Variants in ADGRV1 observed in about 807,000 individuals in gnomAD.
ADGRV1 encodes the protein G-protein coupled receptor 98.
In ADGRV1, 359 loss-of-function variants were observed where a neutral mutation model predicts 596.2. The ratio of observed to expected loss-of-function variants is 0.60; its 90% CI spans 0.55 to 0.66. The LOEUF is 0.66. Ranked by LOEUF, ADGRV1 falls within the 30% of genes least tolerant of loss-of-function variation. ADGRV1 has a pLI of 0.00. For missense variants in ADGRV1, 7,274 were observed against 7,575.6 expected (o/e 0.96, Z 1.48); for synonymous variants, 2,681 against 2,679.2 (o/e 1.00, Z -0.02).
intron 83 of ADGRV1, among the ~76,000 whole-genome samples, chr5:90,906,613 T>A (rs976847627): frequency 6.6e-6 from 1 of 152,092 alleles, no homozygotes; most frequent in Admixed American, 6.6e-5. Context: ...TATATTTGGA[T>A]CTTCTCTCTT....
intron 87 of ADGRV1, among the ~76,000 whole-genome samples, chr5:91,123,405 C>G (rs187856280): frequency 2.6e-5 from 4 of 152,176 alleles, no homozygotes; most frequent in African/African-American, 9.6e-5. Flanking sequence ...GCCTGTTTCT[C>G]GTAGATGGTG....
At chr5:90,649,736 G>T (rs1768318799) in intron 17 of ADGRV1, among the ~76,000 whole-genome samples, 2 of 152,196 alleles carry the variant, frequency 1.3e-5, no homozygotes, top group African/African-American at 2.4e-5. Flanking sequence ...CAATTCGCCC[G>T]CCTGGGCCCC....
intron 85 of ADGRV1, among the ~76,000 whole-genome samples, chr5:91,019,727 G>A (rs935115705): frequency 2.6e-5 from 4 of 151,912 alleles, no homozygotes; most frequent in Non-Finnish European, 5.9e-5. Context: ...CAAACTGGTT[G>A]TTAGTGAAAA....
intron 53 of ADGRV1, among the ~76,000 whole-genome samples, chr5:90,751,371 T>C (rs1755232683): frequency 6.6e-6 from 1 of 152,154 alleles, no homozygotes; most frequent in African/African-American, 2.4e-5. Flanking sequence ...GGGTTGGGTA[T>C]AACCTTGAGT....
chr5:90,780,376 CTT>C (rs1198821923), intron 64 of ADGRV1, among the ~76,000 whole-genome samples: 1 of 151,986 alleles, frequency 6.6e-6, no homozygotes, highest in East Asian at 1.9e-4. Flanking sequence ...CTAATTTTGC[CTT>C]TTATATAATT....
At chr5:90,756,360 T>G in intron 55 of ADGRV1, 94 bp from the exon 56 acceptor site, 2 of 822,938 alleles carry the variant, frequency 2.4e-6, no homozygotes, top group Non-Finnish European at 1.9e-6. Context: ...GTGAACAAAG[T>G]CAATTATTTC....
At chr5:90,930,763 TG>T (rs1561960435) in intron 83 of ADGRV1, among the ~76,000 whole-genome samples, 1 of 152,154 alleles carries the variant, frequency 6.6e-6, no homozygotes, top group Non-Finnish European at 1.5e-5. Flanking sequence ...GAGGAAATAT[TG>T]TGGTTTCATG....
At chr5:91,029,723 T>C (rs1170430161) in intron 85 of ADGRV1, among the ~76,000 whole-genome samples, 2 of 152,162 alleles carry the variant, frequency 1.3e-5, no homozygotes. Context: ...ATTTCATGAA[T>C]ATAATCATTT....
chr5:90,694,749 A>G lies in ADGRV1; in HGVS notation c.7945+48A>G, dbSNP rs375091797. ...TTTCCGTTGCCCCAGTAAAGTCATCATAGTCCATTTTTATGATAAAATTTA... is the reference window on the plus strand; with the variant it reads ...TTTCCGTTGCCCCAGTAAAGTCATCGTAGTCCATTTTTATGATAAAATTTA... On this transcript the variant is annotated intron_variant, in intron 33 of 89. Coordinates refer to ENST00000405460, the MANE Select transcript of ADGRV1 (RefSeq NM_032119.4). The G allele has an allele frequency of 3.9e-5, 56 of 1,429,118 alleles. No homozygotes were observed. In the African/African-American group the frequency reaches 6.6e-4, roughly 17 times the overall value. The allele number at this position is 1,429,118 out of a possible 1,614,324, so 88.5% of individuals were successfully genotyped here.
chr5:90,669,688 G>A (rs1561494413), intron 21 of ADGRV1, among the ~76,000 whole-genome samples: 1 of 152,188 alleles, frequency 6.6e-6, no homozygotes, highest in Admixed American at 6.5e-5. Flanking sequence ...GTTAAGTGTG[G>A]CTAGTAACAC....
At chr5:91,098,165 G>A (rs1199652871) in intron 86 of ADGRV1, among the ~76,000 whole-genome samples, 1 of 152,240 alleles carries the variant, frequency 6.6e-6, no homozygotes, top group Non-Finnish European at 1.5e-5. Context: ...CATCAAATGC[G>A]AAATAACAGC....
At chr5:90,834,644 T>G (rs925231543) in intron 77 of ADGRV1, among the ~76,000 whole-genome samples, 1 of 152,114 alleles carries the variant, frequency 6.6e-6, no homozygotes, top group African/African-American at 2.4e-5. Flanking sequence ...TTAAATCTGC[T>G]TGGTATTCTG....
chr5:90,918,083 G>A (rs2150725502), intron 83 of ADGRV1, among the ~76,000 whole-genome samples: 2 of 152,116 alleles, frequency 1.3e-5, no homozygotes, highest in East Asian at 3.9e-4. Flanking sequence ...TTTGACTGAG[G>A]CATATTAGAT....
intron 75 of ADGRV1, 31 bp from the exon 76 acceptor site, chr5:90,823,394 G>C (rs200491105): frequency 1.2e-6 from 2 of 1,608,928 alleles, no homozygotes; most frequent in South Asian, 2.2e-5. Context: ...GACACCCTCT[G>C]TTAAGGCATT....
At chr5:90,942,405 G>A (rs1776235680) in intron 83 of ADGRV1, among the ~76,000 whole-genome samples, 1 of 152,210 alleles carries the variant, frequency 6.6e-6, no homozygotes, top group African/African-American at 2.4e-5. Context: ...TTGGCTGAAA[G>A]GAGAGAGGAG....
At chr5:91,074,472 C>G (rs545191662) in intron 86 of ADGRV1, among the ~76,000 whole-genome samples, 5 of 152,162 alleles carry the variant, frequency 3.3e-5, no homozygotes, top group Non-Finnish European at 7.4e-5. Context: ...TAACAGCCTC[C>G]AGCTCCATCT....
intron 70 of ADGRV1, among the ~76,000 whole-genome samples, chr5:90,794,563 T>C (rs1760456283): frequency 6.6e-6 from 1 of 152,166 alleles, no homozygotes; most frequent in South Asian, 2.1e-4. Context: ...CCCTGTCTAG[T>C]GTATGAACAG....
chr5:90,676,221 G>T lies in ADGRV1; in HGVS notation c.5443+12G>T. On this transcript the variant is annotated intron_variant, in intron 25 of 89. Coordinates refer to ENST00000405460, the MANE Select transcript of ADGRV1 (RefSeq NM_032119.4). ...CTTGGAAGGAGGAGGTAAGGCTGGT[G>T]ATTCAAAAATGTTAAATATTTGCTT... 1 of 1,592,106 alleles carries T rather than the reference G, an allele frequency of 6.3e-7. No homozygotes were observed. Among genetic ancestry groups the T allele is most frequent in the Non-Finnish European group, 8.5e-7 (1 of 1,171,498 alleles).
intron 85 of ADGRV1, among the ~76,000 whole-genome samples, chr5:91,034,519 G>A (rs1784717733): frequency 6.6e-6 from 1 of 152,118 alleles, no homozygotes. Flanking sequence ...CCATATAAAT[G>A]TTTTGAGAGC....
Sources: allele counts gnomAD v4.1 joint callset (sites outside exome capture counted in the v4.1 genomes callset), GRCh38; gene constraint gnomAD v4.1.1; transcripts MANE v1.5; gene names NCBI Gene and HGNC (gene_info 2026-07-23, HGNC 2026-07-21).